Variants in SHLD2 observed in about 807,000 individuals in gnomAD.
The protein encoded by SHLD2 is RINN1-REV7-interacting novel NHEJ regulator 2.
SHLD2 carries 30 observed loss-of-function variants against 73.2 expected under a neutral mutation model. That is an observed-to-expected ratio of 0.41 (90% CI 0.31 to 0.56). The LOEUF is 0.56. SHLD2 is among the 20% of genes least tolerant of loss of function. SHLD2 has a pLI of 0.28. For synonymous variants in SHLD2, 285 were observed against 370.1 expected, an observed-to-expected ratio of 0.77 and a Z score of 2.64; for missense variants, 745 against 1,055.9, an observed-to-expected ratio of 0.71 and a Z score of 4.08.
chr10:87,178,803 T>G (rs1848117972), intron 7 of SHLD2, among the ~76,000 whole-genome samples: 1 of 152,216 alleles, frequency 6.6e-6, no homozygotes, highest in Non-Finnish European at 1.5e-5. Context: ...TTGTTACATA[T>G]TCGATCGCTA....
chr10:87,166,342 C>T (rs951031136), intron 4 of SHLD2, among the ~76,000 whole-genome samples: 9 of 78,938 alleles, frequency 1.1e-4, no homozygotes, highest in Non-Finnish European at 2.2e-4. Context: ...AAAAGTCAAT[C>T]ACATTTCTAG....
At chr10:87,118,683 TC>T (rs1420257586) in intron 2 of SHLD2, among the ~76,000 whole-genome samples, 2 of 149,206 alleles carry the variant, frequency 1.3e-5, no homozygotes, top group Non-Finnish European at 3.0e-5. Context: ...AGTCTCAAAC[TC>T]CTGAGTAGCT....
chr10:87,151,170 C>G (rs1212959056), intron 2 of SHLD2, among the ~76,000 whole-genome samples, 180 bp from the exon 3 acceptor site: 2 of 151,868 alleles, frequency 1.3e-5, no homozygotes, highest in Non-Finnish European at 2.9e-5. Flanking sequence ...TGTGATTTCT[C>G]CTTAATAATT....
At chr10:87,135,755 C>G (rs1844759931) in intron 2 of SHLD2, among the ~76,000 whole-genome samples, 1 of 151,498 alleles carries the variant, frequency 6.6e-6, no homozygotes, top group Non-Finnish European at 1.5e-5. Context: ...CCCACTTCAG[C>G]CTCCCAAGTA....
At chr10:87,155,321 A>G (rs1414625633) in intron 3 of SHLD2, among the ~76,000 whole-genome samples, 2 of 151,906 alleles carry the variant, frequency 1.3e-5, no homozygotes, top group South Asian at 2.1e-4. Context: ...ATTAGCTAAT[A>G]TTATTTATAT....
chr10:87,190,418 T>C, intron 9 of SHLD2, 66 bp from the exon 10 acceptor site: 1 of 1,295,820 alleles, frequency 7.7e-7, no homozygotes, highest in Non-Finnish European at 1.1e-6. Flanking sequence ...AATGAAACCA[T>C]TCAATGTGTG....
chr10:87,177,210 G>A (rs1450295338), intron 7 of SHLD2, among the ~76,000 whole-genome samples: 3 of 152,134 alleles, frequency 2.0e-5, no homozygotes, highest in African/African-American at 7.2e-5. Context: ...TTGCAGAGAC[G>A]TTTAGTTTGG....
chr10:87,157,231 G>C (rs1463891172), intron 3 of SHLD2, among the ~76,000 whole-genome samples: 3 of 152,190 alleles, frequency 2.0e-5, no homozygotes, highest in Non-Finnish European at 4.4e-5. Flanking sequence ...AGGTTCAAAA[G>C]CTGAGGAAAG....
At chr10:87,140,939 C>T (rs1845145870) in intron 2 of SHLD2, among the ~76,000 whole-genome samples, 1 of 151,258 alleles carries the variant, frequency 6.6e-6, no homozygotes, top group African/African-American at 2.4e-5. Context: ...TTGTATTCCA[C>T]CCAGGGTGAT....
At chr10:87,185,720 T>C (rs1848577311) in intron 8 of SHLD2, among the ~76,000 whole-genome samples, 1 of 152,184 alleles carries the variant, frequency 6.6e-6, no homozygotes, top group African/African-American at 2.4e-5. Flanking sequence ...AGGTTTATTA[T>C]CTACTTTGAG....
intron 4 of SHLD2, among the ~76,000 whole-genome samples, chr10:87,164,271 G>A (rs1355512688): frequency 6.7e-6 from 1 of 149,242 alleles, no homozygotes; most frequent in Non-Finnish European, 1.5e-5. Flanking sequence ...CTTTTTTTTT[G>A]AGACAGGGTC....
rs1301459903 is a variant in SHLD2 at position 87,152,164 on chromosome 10, A to T, written c.810A>T (p.Val270=). The part of the protein sequence containing the change: ...KRRSPVNKGN[V]NMETEPKASY... ...GGAGTCCTGTAAATAAAGGGAATGTAAACATGGAGACTGAACCAAAGGCAA... is the reference window on the plus strand; with the variant it reads ...GGAGTCCTGTAAATAAAGGGAATGTTAACATGGAGACTGAACCAAAGGCAA... The change falls in exon 3 of 10, where the codon GTA becomes GTT. Residue 270 remains valine, a synonymous_variant. Transcript: ENST00000298786. 1 of 1,610,136 alleles carries T rather than the reference A, an allele frequency of 6.2e-7. No homozygotes were observed. The highest frequency in any genetic ancestry group is 1.3e-5 in the African/African-American group (1 of 74,626).
chr10:87,106,834 G>A (rs190370136), intron 2 of SHLD2, among the ~76,000 whole-genome samples: 11 of 152,220 alleles, frequency 7.2e-5, no homozygotes, highest in South Asian at 2.1e-4. Context: ...TAGAAGTTTC[G>A]TTGTCCTACA....
rs1589650785 is a variant in SHLD2 at position 87,176,068 on chromosome 10, G to A, written c.2143G>A (p.Ala715Thr). ...APSFVKISDL[A>T]THLEDKCSGV... Reference sequence around the variant, plus strand: ...CTCCTTTGTGAAGATATCAGACTTAGCAACCCACCTAGAGGATAAGTGTTC... The same window carrying A: ...CTCCTTTGTGAAGATATCAGACTTAACAACCCACCTAGAGGATAAGTGTTC... Residue 715 changes from alanine (A) to threonine (T), a missense_variant, in exon 7 of 10, where the codon GCA becomes ACA. This residue lies in a region of SHLD2 where 418 missense variants were observed against 567.8 expected (regional missense o/e 0.74). Coordinates refer to ENST00000298786, the MANE Select transcript of SHLD2 (RefSeq NM_001330112.2). The A allele has an allele frequency of 5.8e-6, 9 of 1,548,212 alleles. No individual in the cohort carries two copies. The highest frequency in any genetic ancestry group is 7.0e-6 in the Non-Finnish European group (8 of 1,146,782).
intron 4 of SHLD2, among the ~76,000 whole-genome samples, chr10:87,158,984 G>T (rs2134403270): frequency 6.6e-6 from 1 of 152,204 alleles, no homozygotes; most frequent in Middle Eastern, 3.4e-3. Context: ...AATATAAGAT[G>T]TTGAACCTGC....
intron 3 of SHLD2, among the ~76,000 whole-genome samples, chr10:87,157,114 C>G (rs1419208692): frequency 2.0e-5 from 3 of 152,086 alleles, no homozygotes; most frequent in Non-Finnish European, 4.4e-5. Flanking sequence ...ATAGCGTCAA[C>G]AAATGAGTTG....
intron 2 of SHLD2, among the ~76,000 whole-genome samples, chr10:87,138,343 C>T (rs1475987856): frequency 6.8e-6 from 1 of 148,034 alleles, no homozygotes; most frequent in African/African-American, 2.5e-5. Flanking sequence ...ATGTTAAATA[C>T]AATGGGATGA....
chr10:87,131,730 C>T (rs530994915), intron 2 of SHLD2, among the ~76,000 whole-genome samples: 93 of 152,212 alleles, frequency 6.1e-4, no homozygotes, highest in African/African-American at 1.9e-3. Flanking sequence ...GTATATACCT[C>T]GGTGTGGAAT....
At chr10:87,106,215 G>A (rs927176775) in intron 2 of SHLD2, among the ~76,000 whole-genome samples, 3 of 152,174 alleles carry the variant, frequency 2.0e-5, no homozygotes, top group Admixed American at 2.0e-4. Flanking sequence ...ATGTTGGCCA[G>A]GCTGGTCTTG....
Sources: allele counts gnomAD v4.1 joint callset (sites outside exome capture counted in the v4.1 genomes callset), GRCh38; gene constraint gnomAD v4.1.1; regional missense constraint gnomAD v4.1.1; transcripts MANE v1.5; gene names NCBI Gene and HGNC (gene_info 2026-07-23, HGNC 2026-07-21).